PTPRD: variants seen among roughly 807,000 people sequenced by gnomAD.
PTPRD encodes protein tyrosine phosphatase receptor type D.
PTPRD carries 34 observed loss-of-function variants against 214.5 expected under a neutral mutation model. That is an observed-to-expected ratio of 0.16 (90% CI 0.12 to 0.21). The LOEUF (loss-of-function observed/expected upper bound fraction) is 0.21, where lower values mean the gene tolerates loss of function less well. PTPRD is among the 10% of genes least tolerant of loss of function. The pLI is 1.00. For missense variants in PTPRD, 2,545 were observed against 2,398.7 expected, an observed-to-expected ratio of 1.06 and a Z score of -1.27; for synonymous variants, 1,128 against 845.7, an observed-to-expected ratio of 1.33 and a Z score of -5.79.
At position 8,449,775 on chromosome 9, in the gene PTPRD, T is replaced by C; in HGVS notation, c.3938A>G (p.His1313Arg). 2 of 1,614,110 alleles carry C rather than the reference T, an allele frequency of 1.2e-6. No homozygotes were observed. Among genetic ancestry groups the C allele is most frequent in the Non-Finnish European group, 1.7e-6 (2 of 1,179,962 alleles). The change falls in exon 34 of 46, where the codon CAC (histidine) becomes CGC (arginine). Residue 1313 changes from histidine (H) to arginine (R), a missense_variant. His to Arg is a conservative substitution (Grantham distance 29). Transcript: ENST00000381196. ...SIPNNKEIPS[H>R]HPTDPVELRR... is the part of the protein sequence containing the mutation. ...CAGTTCTACAGGGTCTGTTGGGTGG[T>C]GTGAAGGGATCTCCTTATTGTTCGG... is the stretch of plus-strand genomic sequence containing the variant.
intron 2 of PTPRD, among the ~76,000 whole-genome samples, chr9:10,359,844 A>C (rs1287035714): frequency 6.6e-6 from 1 of 152,162 alleles, no homozygotes; most frequent in Non-Finnish European, 1.5e-5. Flanking sequence ...ATGGTTTTAA[A>C]AGTTGAGATG....
intron 30 of PTPRD, among the ~76,000 whole-genome samples, chr9:8,471,874 T>G (rs1379789549): frequency 2.6e-5 from 4 of 152,210 alleles, no homozygotes; most frequent in African/African-American, 4.8e-5. Flanking sequence ...GTATATACTC[T>G]GCTTTCATAT....
intron 5 of PTPRD, among the ~76,000 whole-genome samples, chr9:9,935,138 G>A (rs990787532): frequency 6.6e-6 from 1 of 151,932 alleles, no homozygotes; most frequent in African/African-American, 2.4e-5. Context: ...GGCAAAAACT[G>A]GAAGCATTCC....
At chr9:9,004,418 A>G (rs922850139) in intron 11 of PTPRD, among the ~76,000 whole-genome samples, 1 of 152,006 alleles carries the variant, frequency 6.6e-6, no homozygotes, top group Non-Finnish European at 1.5e-5. Context: ...TCAGTTTAAA[A>G]TCACCTATAT....
chr9:9,328,145 A>T (rs1337187783), intron 9 of PTPRD, among the ~76,000 whole-genome samples: 2 of 152,146 alleles, frequency 1.3e-5, no homozygotes, highest in Non-Finnish European at 2.9e-5. Context: ...CAACATGACA[A>T]ATCAAAAATT....
intron 14 of PTPRD, among the ~76,000 whole-genome samples, chr9:8,587,825 C>A (rs999785606): frequency 6.6e-6 from 1 of 152,156 alleles, no homozygotes; most frequent in Admixed American, 6.5e-5. Flanking sequence ...AAATATAAAT[C>A]CCGACTGTGG....
chr9:8,667,852 C>G (rs745567948), intron 12 of PTPRD, among the ~76,000 whole-genome samples: 7 of 151,836 alleles, frequency 4.6e-5, no homozygotes, highest in Non-Finnish European at 8.8e-5. Flanking sequence ...TCATAATTAC[C>G]CTGATTCTAC....
chr9:9,285,005 C>T (rs1948910559), intron 9 of PTPRD, among the ~76,000 whole-genome samples: 1 of 151,684 alleles, frequency 6.6e-6, no homozygotes, highest in South Asian at 2.1e-4. Flanking sequence ...TGCTATTATC[C>T]TTGGGGAGAT....
At chr9:9,921,773 T>G (rs1316489532) in intron 5 of PTPRD, among the ~76,000 whole-genome samples, 1 of 150,882 alleles carries the variant, frequency 6.6e-6, no homozygotes, top group Non-Finnish European at 1.5e-5. Flanking sequence ...AAACTAAAGA[T>G]AGTAGAAAAG....
intron 39 of PTPRD, among the ~76,000 whole-genome samples, chr9:8,350,943 T>A (rs1490846180): frequency 3.3e-5 from 5 of 152,202 alleles, no homozygotes. Flanking sequence ...CACATACTCT[T>A]TGACCCAGCA....
intron 6 of PTPRD, among the ~76,000 whole-genome samples, chr9:9,763,675 G>GC (rs765648797): frequency 2.0e-5 from 3 of 152,046 alleles, no homozygotes; most frequent in South Asian, 4.1e-4. Flanking sequence ...AAAGGGTTCA[G>GC]CTCCCCACTT....
chr9:9,957,798 A>G (rs1261470837), intron 4 of PTPRD, among the ~76,000 whole-genome samples: 3 of 152,134 alleles, frequency 2.0e-5, no homozygotes, highest in African/African-American at 7.2e-5. Context: ...CTAAAAATCT[A>G]CAGTAATCCA....
chr9:8,826,071 G>C (rs917871994), intron 11 of PTPRD, among the ~76,000 whole-genome samples: 4 of 152,108 alleles, frequency 2.6e-5, no homozygotes, highest in Non-Finnish European at 5.9e-5. Flanking sequence ...AGATGGAGTT[G>C]CTCTGGTTCA....
chr9:9,351,210 T>G (rs939732543), intron 9 of PTPRD, among the ~76,000 whole-genome samples: 7 of 152,006 alleles, frequency 4.6e-5, no homozygotes, highest in African/African-American at 1.7e-4. Context: ...ATTTCACTTC[T>G]GCAAGATTAC....
At chr9:9,390,447 A>C (rs1451464262) in intron 9 of PTPRD, among the ~76,000 whole-genome samples, 1 of 152,216 alleles carries the variant, frequency 6.6e-6, no homozygotes, top group East Asian at 1.9e-4. Context: ...TCAATGGTAG[A>C]TTCTGTCTTG....
At chr9:8,976,389 A>G (rs2099268217) in intron 11 of PTPRD, among the ~76,000 whole-genome samples, 1 of 152,088 alleles carries the variant, frequency 6.6e-6, no homozygotes, top group Admixed American at 6.6e-5. Context: ...ATCAAACACT[A>G]GGCTTCATAT....
In PTPRD at chr9:9,961,801, G is replaced by C. The variant is rs140052661; in HGVS notation, c.-471-23191C>G. ...AAAAATGTAACTACAATAAAATCTA[G>C]AAGTCACAGTCCATTAAAATGCAAA... is the stretch of plus-strand genomic sequence containing the variant. On this transcript the variant is annotated intron_variant, in intron 4 of 45. Coordinates refer to ENST00000381196, the MANE Select transcript of PTPRD (RefSeq NM_002839.4). 3.6e-3 allele frequency among the ~76,000 whole-genome samples: 545 copies of C among 152,128 alleles called. 5 individuals are homozygous for C. The highest frequency in any genetic ancestry group is 0.012 in the African/African-American group (499 of 41,494).
At chr9:8,413,904 A>G (rs2131169376) in intron 35 of PTPRD, among the ~76,000 whole-genome samples, 1 of 152,246 alleles carries the variant, frequency 6.6e-6, no homozygotes, top group African/African-American at 2.4e-5. Context: ...TTCTAAGTTA[A>G]ATATTAGAAA....
intron 9 of PTPRD, among the ~76,000 whole-genome samples, chr9:9,290,983 G>A (rs1453890667): frequency 6.6e-6 from 1 of 151,332 alleles, no homozygotes; most frequent in African/African-American, 2.4e-5. Context: ...AGTTACCTAA[G>A]ACCACACTAA....
Sources: allele counts gnomAD v4.1 joint callset (sites outside exome capture counted in the v4.1 genomes callset), GRCh38; gene constraint gnomAD v4.1.1; transcripts MANE v1.5; gene names NCBI Gene and HGNC (gene_info 2026-07-23, HGNC 2026-07-21).